The following TPD52 variants were observed in gnomAD, a reference collection of about 807,000 sequenced individuals.
TPD52 encodes the protein tumor protein D52, also known as prostate and colon associated protein.
A neutral mutation model predicts 31.3 loss-of-function variants in TPD52; 17 were observed. That is an observed-to-expected ratio of 0.54 (90% CI 0.37 to 0.82). TPD52 has a LOEUF of 0.82. Among genes scored for constraint, TPD52 ranks in the 40% least tolerant of loss-of-function variants. The pLI, the probability that TPD52 is intolerant of heterozygous loss-of-function variation, is 0.00. For missense variants in TPD52, 212 were observed against 240.1 expected (o/e 0.88, Z 0.77); for synonymous variants, 83 against 89.6 (o/e 0.93, Z 0.42).
intron 1 of TPD52, among the ~76,000 whole-genome samples, chr8:80,156,506 C>T (rs1381312039): frequency 2.6e-5 from 4 of 152,156 alleles, no homozygotes; most frequent in Non-Finnish European, 5.9e-5. Context: ...TTAAAACCAT[C>T]ACCAAGTCTT....
At chr8:80,064,914 T>C (rs1180156002) in intron 1 of TPD52, 6 of 496,066 alleles carry the variant, frequency 1.2e-5, no homozygotes, top group Non-Finnish European at 1.9e-5. Flanking sequence ...AGACTTTAAA[T>C]TGCTGCAAAA....
Position 80,036,499 on chromosome 8 carries a change from ATTT to A in TPD52, c.*1614_*1616del, listed in dbSNP as rs555124532. 1 of 149,012 alleles carries A rather than the reference ATTT, an allele frequency of 6.7e-6. No individual in the cohort carries two copies. The highest frequency in any genetic ancestry group is 1.5e-5 in the Non-Finnish European group (1 of 66,894). The allele number at this position is 149,012 out of a possible 1,614,324, so 9.2% of individuals were successfully genotyped here. ...ATAATTTAAGGATGGTTAAAAAAAAATTTTTTTTTTTTAAGCATAGACTCCAGT... is the reference window on the plus strand; with the variant it reads ...ATAATTTAAGGATGGTTAAAAAAAAATTTTTTTTTAAGCATAGACTCCAGT... On this transcript the variant is annotated 3_prime_UTR_variant, in exon 8 of 8. Transcript: ENST00000518937.
chr8:80,072,798 CATATAT>C (rs779389191), intron 1 of TPD52, among the ~76,000 whole-genome samples: 2 of 141,050 alleles, frequency 1.4e-5, no homozygotes, highest in Non-Finnish European at 3.0e-5. Flanking sequence ...CACACACACA[CATATAT>C]ATATATATAT....
chr8:80,147,551 A>G (rs1361134126), intron 1 of TPD52, among the ~76,000 whole-genome samples: 1 of 152,234 alleles, frequency 6.6e-6, no homozygotes, highest in East Asian at 1.9e-4. Context: ...ACCTTGTTTG[A>G]GAAAGCTAAA....
At chr8:80,039,214 A>G (rs1258565026) in intron 7 of TPD52, among the ~76,000 whole-genome samples, 3 of 152,194 alleles carry the variant, frequency 2.0e-5, no homozygotes, top group African/African-American at 7.2e-5. Flanking sequence ...ATTGTTTATT[A>G]AATTTATTAA....
intron 1 of TPD52, among the ~76,000 whole-genome samples, chr8:80,148,116 T>G (rs1043204771): frequency 2.6e-5 from 4 of 151,846 alleles, no homozygotes; most frequent in Non-Finnish European, 5.9e-5. Context: ...AGCTAAAAAG[T>G]AAGTGGTATT....
intron 5 of TPD52, among the ~76,000 whole-genome samples, chr8:80,044,597 A>ATACACACG (rs1405851594): frequency 3.3e-5 from 5 of 152,142 alleles, no homozygotes; most frequent in African/African-American, 1.2e-4. Context: ...ACACACACAC[A>ATACACACG]TACACACATA....
chr8:80,047,954 C>T (rs1811028264), intron 5 of TPD52, among the ~76,000 whole-genome samples: 1 of 152,152 alleles, frequency 6.6e-6, no homozygotes, highest in Admixed American at 6.5e-5. Context: ...CTTTTAATAA[C>T]ACTAAAATTT....
At chr8:80,116,055 T>C (rs1486676555) in intron 1 of TPD52, among the ~76,000 whole-genome samples, 3 of 152,204 alleles carry the variant, frequency 2.0e-5, no homozygotes, top group African/African-American at 7.2e-5. Context: ...AATTTGTCAA[T>C]ATCTACTAAT....
intron 2 of TPD52, among the ~76,000 whole-genome samples, chr8:80,057,909 T>C (rs1379521524): frequency 1.3e-5 from 2 of 152,144 alleles, no homozygotes; most frequent in Non-Finnish European, 2.9e-5. Flanking sequence ...ACAAATCATA[T>C]AGCTGGTAAC....
chr8:80,154,753 A>AC (rs1586409658), intron 1 of TPD52, among the ~76,000 whole-genome samples: 2 of 116,840 alleles, frequency 1.7e-5, no homozygotes, highest in East Asian at 6.0e-4. Context: ...ACACACACAC[A>AC]AAACACCTAC....
In TPD52 at chr8:80,164,845, TGCACTCCA is replaced by T. The variant is rs951448028; in HGVS notation, c.19+6572_19+6579del. ...TTGCAGTGAGCAGAGATCATGCCAC[TGCACTCCA>T]GCACTCCAGCACTCCAGCCTGGGTG... On this transcript the variant is annotated intron_variant, in intron 1 of 7. Transcript: ENST00000518937. Among the ~76,000 whole-genome samples, 120 of 126,706 alleles carry T rather than the reference TGCACTCCA, an allele frequency of 9.5e-4. No individual in the cohort carries two copies. The Middle Eastern group carries it at 0.018, about 19-fold the overall frequency. 83.1% of individuals were successfully genotyped at this position (126,706 alleles called of 152,430 possible).
chr8:80,094,428 TTTTATA>T lies in TPD52; in HGVS notation c.20-29841_20-29836del, dbSNP rs1218475165. Among the ~76,000 whole-genome samples the T allele has an allele frequency of 1.9e-3, 129 of 69,090 alleles. 3 individuals are homozygous for T. Among genetic ancestry groups the T allele is most frequent in the African/African-American group, 5.2e-3 (122 of 23,406 alleles). The allele number at this position is 69,090 out of a possible 152,430, so 45.3% of individuals were successfully genotyped here. A position where few individuals can be genotyped will look rare whatever the true frequency, so the allele number is the denominator to read the frequency against. On this transcript the variant is annotated intron_variant, in intron 1 of 7. Coordinates refer to ENST00000518937, the MANE Select transcript of TPD52 (RefSeq NM_001025253.3). ...TGACTAAGTTCTAGACAAAAGAAAA[TTTTATA>T]TATATATATATATATATATATATAT...
intron 1 of TPD52, among the ~76,000 whole-genome samples, chr8:80,104,661 A>ATTT (rs144170850): frequency 0.083 from 11,819 of 142,562 alleles, 569 homozygotes; most frequent in South Asian, 0.21. Flanking sequence ...GAGTCTGCTG[A>ATTT]TTTTTTTTTT....
intron 1 of TPD52, among the ~76,000 whole-genome samples, chr8:80,136,834 A>G (rs114489094): frequency 0.032 from 4,801 of 152,304 alleles, 290 homozygotes; most frequent in African/African-American, 0.11. Context: ...AAAATACACA[A>G]TAAATGCTGG....
chr8:80,164,558 T>C (rs559945322), intron 1 of TPD52, among the ~76,000 whole-genome samples: 61 of 152,228 alleles, frequency 4.0e-4, no homozygotes, highest in African/African-American at 1.4e-3. Flanking sequence ...TTTCTAAAAA[T>C]GATTCAAAAG....
chr8:80,057,656 G>A (rs541856306), intron 2 of TPD52, among the ~76,000 whole-genome samples: 117 of 152,236 alleles, frequency 7.7e-4, no homozygotes, highest in African/African-American at 4.1e-4. Flanking sequence ...ACTAAACACT[G>A]GGGATTCCAG....
At chr8:80,094,762 TA>T (rs577517120) in intron 1 of TPD52, among the ~76,000 whole-genome samples, 2,573 of 145,622 alleles carry the variant, frequency 0.018, 33 homozygotes, top group Middle Eastern at 0.031. Context: ...TACCATAATT[TA>T]AAAAAAAAAT....
At chr8:80,074,210 T>C (rs1348265426) in intron 1 of TPD52, among the ~76,000 whole-genome samples, 1 of 152,234 alleles carries the variant, frequency 6.6e-6, no homozygotes, top group Non-Finnish European at 1.5e-5. Context: ...TATGACTGTT[T>C]TATTTAAGCA....
Sources: gnomAD v4.1 joint callset for allele counts (sites outside exome capture counted in the v4.1 genomes callset) on GRCh38, gnomAD v4.1.1 for gene constraint, MANE v1.5 for transcripts, NCBI Gene and HGNC (gene_info 2026-07-23, HGNC 2026-07-21) for gene names.